Variants in ENOX2 observed in about 807,000 individuals in gnomAD.
ENOX2 encodes APK1 antigen.
A neutral mutation model predicts 45.0 loss-of-function variants in ENOX2; 36 were observed. That is an observed-to-expected ratio of 0.80 (90% CI 0.61 to 1.06). The LOEUF (loss-of-function observed/expected upper bound fraction) is 1.06, where lower values mean the gene tolerates loss of function less well. Among genes scored for constraint, ENOX2 ranks in the 50% least tolerant of loss-of-function variants. The pLI is 0.00. For synonymous variants in ENOX2, 174 were observed against 152.3 expected, an observed-to-expected ratio of 1.14 and a Z score of -1.05; for missense variants, 423 against 462.5, an observed-to-expected ratio of 0.91 and a Z score of 0.78.
At chrX:130,650,916 GA>G (rs200063317) in intron 10 of ENOX2, among the ~76,000 whole-genome samples, 1 of 110,158 alleles carries the variant, frequency 9.1e-6, no homozygotes, top group Non-Finnish European at 1.9e-5. Flanking sequence ...AAGAAAACAA[GA>G]AAAAAAAATT....
chrX:130,734,433 A>G (rs1183341032), intron 3 of ENOX2, among the ~76,000 whole-genome samples: 1 of 111,503 alleles, frequency 9.0e-6, no homozygotes, highest in Non-Finnish European at 1.9e-5. Context: ...AGGCCATATG[A>G]CAGCTCTCTG....
intron 3 of ENOX2, among the ~76,000 whole-genome samples, chrX:130,726,743 C>T (rs890568558): frequency 1.8e-5 from 2 of 112,520 alleles, no homozygotes; most frequent in African/African-American, 6.5e-5. Context: ...TTCGATTTTA[C>T]GATGATTTAG....
chrX:130,885,251 C>G (rs755304981), intron 2 of ENOX2, among the ~76,000 whole-genome samples: 3 of 111,695 alleles, frequency 2.7e-5, no homozygotes, highest in Admixed American at 9.5e-5. Context: ...TGGCACCCAT[C>G]AACCGAGAGG....
At chrX:130,754,311 C>A (rs1043860172) in intron 3 of ENOX2, among the ~76,000 whole-genome samples, 13 of 112,047 alleles carry the variant, frequency 1.2e-4, no homozygotes, top group Non-Finnish European at 2.3e-4. Context: ...CTTTGGCTTG[C>A]GAAAAATGCA....
At chrX:130,899,136 A>G (rs1265883437) in intron 2 of ENOX2, among the ~76,000 whole-genome samples, 2 of 111,357 alleles carry the variant, frequency 1.8e-5, no homozygotes, top group South Asian at 7.7e-4. Context: ...ATGATAGGAA[A>G]GAAAAAGGTA....
At chrX:130,717,780 A>G (rs764574325) in intron 3 of ENOX2, among the ~76,000 whole-genome samples, 16 of 111,976 alleles carry the variant, frequency 1.4e-4, no homozygotes, top group Non-Finnish European at 2.4e-4. Context: ...TTGTATGCCC[A>G]ACATGCAGTT....
At chrX:130,785,910 T>C (rs2076962470) in intron 2 of ENOX2, among the ~76,000 whole-genome samples, 1 of 112,499 alleles carries the variant, frequency 8.9e-6, no homozygotes, top group African/African-American at 3.2e-5. Flanking sequence ...TGGTCTCTCT[T>C]AGTCTTGGTT....
chrX:130,721,890 T>G (rs184858014), intron 3 of ENOX2, among the ~76,000 whole-genome samples: 3 of 112,180 alleles, frequency 2.7e-5, no homozygotes, highest in East Asian at 2.8e-4. Flanking sequence ...AAGACAACAA[T>G]TATGCCTAAA....
intron 6 of ENOX2, among the ~76,000 whole-genome samples, chrX:130,676,593 GT>G (rs2037157760): frequency 9.0e-6 from 1 of 111,292 alleles, no homozygotes; most frequent in African/African-American, 3.3e-5. Context: ...CCTACGCAGG[GT>G]TTTTTGAGAC....
At chrX:130,818,074 G>A (rs2077520384) in intron 2 of ENOX2, among the ~76,000 whole-genome samples, 1 of 112,035 alleles carries the variant, frequency 8.9e-6, no homozygotes, top group South Asian at 3.7e-4. Context: ...CAAGGTCTCA[G>A]GATACAAAAT....
intron 3 of ENOX2, among the ~76,000 whole-genome samples, chrX:130,781,545 T>C (rs1603348647): frequency 8.9e-6 from 1 of 112,083 alleles, no homozygotes; most frequent in African/African-American, 3.2e-5. Flanking sequence ...CCCACCCTCA[T>C]GAGTTAACTG....
intron 2 of ENOX2, among the ~76,000 whole-genome samples, chrX:130,877,628 T>C (rs897281847): frequency 8.9e-6 from 1 of 112,229 alleles, no homozygotes; most frequent in Admixed American, 9.4e-5. Flanking sequence ...GGGAAAGCAT[T>C]TGGCAGGTGG....
chrX:130,682,962 C>T (rs1459649945), intron 5 of ENOX2, among the ~76,000 whole-genome samples: 2 of 111,896 alleles, frequency 1.8e-5, no homozygotes, highest in Non-Finnish European at 3.8e-5. Context: ...AAATTCAAAG[C>T]CCACCTATTA....
chrX:130,837,099 G>A (rs867519750), intron 2 of ENOX2, among the ~76,000 whole-genome samples: 7 of 112,151 alleles, frequency 6.2e-5, no homozygotes, highest in Non-Finnish European at 1.1e-4. Flanking sequence ...GAAAGTGTTG[G>A]AATTTGAAAG....
intron 2 of ENOX2, among the ~76,000 whole-genome samples, chrX:130,831,620 C>A (rs908636512): frequency 9.0e-6 from 1 of 111,508 alleles, no homozygotes; most frequent in Non-Finnish European, 1.9e-5. Flanking sequence ...CAGGTCTCAG[C>A]CTAAAATTCA....
At chrX:130,674,619 TTTA>T (rs1369893804) in intron 6 of ENOX2, among the ~76,000 whole-genome samples, 1 of 111,817 alleles carries the variant, frequency 8.9e-6, no homozygotes, top group Non-Finnish European at 1.9e-5. Context: ...AATATCTTTT[TTTA>T]TTATTATTAT....
At chrX:130,798,765 T>C (rs368247411) in intron 2 of ENOX2, among the ~76,000 whole-genome samples, 29 of 111,816 alleles carry the variant, frequency 2.6e-4, no homozygotes, top group East Asian at 5.6e-4. Flanking sequence ...CTCATAACCC[T>C]TGGGACTCCA....
At chrX:130,810,339 G>A (rs1174731696) in intron 2 of ENOX2, among the ~76,000 whole-genome samples, 1 of 110,981 alleles carries the variant, frequency 9.0e-6, no homozygotes, top group Non-Finnish European at 1.9e-5. Flanking sequence ...CAGGTCCACC[G>A]CAGGGCTAGG....
intron 3 of ENOX2, among the ~76,000 whole-genome samples, chrX:130,734,135 G>C: frequency 8.9e-6 from 1 of 112,127 alleles, no homozygotes; most frequent in African/African-American, 3.2e-5. Flanking sequence ...CTCTGGTGCA[G>C]GAAAGCAAGG....
Sources: allele counts gnomAD v4.1 joint callset (sites outside exome capture counted in the v4.1 genomes callset), GRCh38; gene constraint gnomAD v4.1.1; transcripts MANE v1.5; gene names NCBI Gene and HGNC (gene_info 2026-07-23, HGNC 2026-07-21).